Variants in ADGRV1 observed in about 807,000 individuals in gnomAD.
ADGRV1 encodes the protein G-protein coupled receptor 98.
ADGRV1 carries 359 observed loss-of-function variants against 596.2 expected under a neutral mutation model. The ratio of observed to expected loss-of-function variants is 0.60; its 90% CI spans 0.55 to 0.66. ADGRV1 has a LOEUF of 0.66. ADGRV1 is among the 30% of genes least tolerant of loss of function. The pLI, the probability that ADGRV1 is intolerant of heterozygous loss-of-function variation, is 0.00. For synonymous variants in ADGRV1, 2,681 were observed against 2,679.2 expected (o/e 1.00, Z -0.02); for missense variants, 7,274 against 7,575.6 (o/e 0.96, Z 1.48).
At chr5:90,997,436 A>G (rs1346513493) in intron 85 of ADGRV1, among the ~76,000 whole-genome samples, 1 of 152,010 alleles carries the variant, frequency 6.6e-6, no homozygotes, top group Non-Finnish European at 1.5e-5. Context: ...TTCTGCCATG[A>G]TTGTAAGTTT....
chr5:90,924,957 T>C (rs1327634315), intron 83 of ADGRV1, among the ~76,000 whole-genome samples: 1 of 151,116 alleles, frequency 6.6e-6, no homozygotes, highest in Non-Finnish European at 1.5e-5. Context: ...TGTGGCGTTA[T>C]TTCTGAGGGC....
chr5:90,631,693 T>C (rs1011334435), intron 9 of ADGRV1, among the ~76,000 whole-genome samples: 27 of 152,160 alleles, frequency 1.8e-4, no homozygotes, highest in African/African-American at 6.3e-4. Context: ...CTATTCACAA[T>C]TGTGTCTGGT....
intron 83 of ADGRV1, among the ~76,000 whole-genome samples, chr5:90,937,177 T>C (rs904378391): frequency 3.1e-4 from 47 of 152,304 alleles, no homozygotes; most frequent in African/African-American, 1.0e-3. Flanking sequence ...CTTAGTACTT[T>C]GTACTTTCAA....
chr5:90,811,000 G>T lies in ADGRV1; in HGVS notation c.15740G>T (p.Arg5247Ile), dbSNP rs751832113. The part of the protein sequence containing the change: ...TFNTAEVLIR[R>I]TGGFTGNVSI... ...AACACTGCAGAAGTTCTTATCCGAA[G>T]AACTGGTGGGTTTACTGGCAATGTC... The change falls in exon 74 of 90, where the codon AGA becomes ATA. Residue 5247 changes from arginine to isoleucine, a missense_variant. By Grantham distance (97) the Arg-to-Ile change is moderately conservative (BLOSUM62 -3). Around this residue, in one of 5 missense-constraint regions of ADGRV1, gnomAD observed 1,874 missense variants for 1,970.2 expected, o/e 0.95. Coordinates refer to ENST00000405460, the MANE Select transcript of ADGRV1 (RefSeq NM_032119.4). 1.9e-5 allele frequency: 31 copies of T among 1,613,904 alleles called. No individual in the cohort carries two copies. Among genetic ancestry groups the T allele is most frequent in the Non-Finnish European group, 2.5e-5 (30 of 1,179,902 alleles).
intron 83 of ADGRV1, among the ~76,000 whole-genome samples, chr5:90,874,194 GTTCTTTAAATATGCCCAGC>G (rs1332813876): frequency 3.3e-5 from 5 of 152,158 alleles, no homozygotes; most frequent in African/African-American, 1.2e-4. Flanking sequence ...AGTGGGCACA[GTTCTTTAAATATGCCCAGC>G]TTCTTCTTGT....
chr5:90,932,566 A>G lies in ADGRV1; in HGVS notation c.17857-32849A>G, dbSNP rs540087713. On this transcript the variant is annotated intron_variant, in intron 83 of 89. Transcript: ENST00000405460. ...TTACTAGAAAAACACAATGTGTTTGATATCAAGTGTTCACTAAAAGTTCTA... is the reference window on the plus strand; with the variant it reads ...TTACTAGAAAAACACAATGTGTTTGGTATCAAGTGTTCACTAAAAGTTCTA... 3.9e-5 allele frequency among the ~76,000 whole-genome samples: 6 copies of G among 152,344 alleles called. No individual in the cohort carries two copies. The South Asian group carries it at 1.2e-3, about 32-fold the overall frequency.
At chr5:90,710,270 A>G (rs1178636078) in intron 39 of ADGRV1, among the ~76,000 whole-genome samples, 2 of 152,194 alleles carry the variant, frequency 1.3e-5, no homozygotes, top group Non-Finnish European at 2.9e-5. Flanking sequence ...AAACCAAAAC[A>G]CTAATCAGGA....
intron 86 of ADGRV1, among the ~76,000 whole-genome samples, chr5:91,100,898 C>T (rs192661430): frequency 6.6e-6 from 1 of 152,292 alleles, no homozygotes. Context: ...TTTAAGGACA[C>T]TGCAAGAAAA....
chr5:90,832,912 A>C (rs1345159910), intron 77 of ADGRV1, among the ~76,000 whole-genome samples: 1 of 152,132 alleles, frequency 6.6e-6, no homozygotes, highest in African/African-American at 2.4e-5. Flanking sequence ...TCACTGTAGA[A>C]GTACGGATTT....
At chr5:90,606,619 C>G (rs1762135851) in intron 1 of ADGRV1, among the ~76,000 whole-genome samples, 1 of 152,168 alleles carries the variant, frequency 6.6e-6, no homozygotes, top group South Asian at 2.1e-4. Flanking sequence ...TAGAACTCAT[C>G]AATAAAATGG....
intron 86 of ADGRV1, among the ~76,000 whole-genome samples, chr5:91,082,754 TTAG>T (rs1482555233): frequency 6.6e-6 from 1 of 152,182 alleles, no homozygotes; most frequent in African/African-American, 2.4e-5. Context: ...ATGAGCCACT[TTAG>T]TTGGTATCAA....
intron 86 of ADGRV1, among the ~76,000 whole-genome samples, chr5:91,081,048 A>G (rs1294786442): frequency 6.6e-6 from 1 of 152,126 alleles, no homozygotes; most frequent in Non-Finnish European, 1.5e-5. Flanking sequence ...ACAGACATTT[A>G]TTTGTCACAG....
intron 16 of ADGRV1, 67 bp downstream of exon 16, chr5:90,646,158 G>A: frequency 4.5e-6 from 5 of 1,115,646 alleles, no homozygotes; most frequent in Non-Finnish European, 6.0e-6. Flanking sequence ...ATGTATATAT[G>A]CACGTGCATA....
At chr5:90,721,483 A>G (rs1750935558) in intron 45 of ADGRV1, among the ~76,000 whole-genome samples, 1 of 145,806 alleles carries the variant, frequency 6.9e-6, no homozygotes, top group African/African-American at 2.7e-5. Flanking sequence ...CAGCCTGGTC[A>G]ACAGAGCAAG....
At chr5:90,857,688 A>C (rs1767154799) in intron 82 of ADGRV1, among the ~76,000 whole-genome samples, 1 of 152,180 alleles carries the variant, frequency 6.6e-6, no homozygotes, top group Non-Finnish European at 1.5e-5. Flanking sequence ...AGGAGACACA[A>C]AGTCTTGTCT....
chr5:90,733,429 G>A (rs62373962), intron 50 of ADGRV1, among the ~76,000 whole-genome samples: 10,173 of 152,130 alleles, frequency 0.067, 461 homozygotes, highest in South Asian at 0.11. Context: ...TCCATGCGTG[G>A]GGATAGTCGA....
chr5:90,569,677 T>C (rs1756268913), intron 1 of ADGRV1, among the ~76,000 whole-genome samples: 1 of 151,668 alleles, frequency 6.6e-6, no homozygotes, highest in Non-Finnish European at 1.5e-5. Flanking sequence ...AGATATTTTC[T>C]AGTGTATCAT....
chr5:90,768,561 T>A (rs1757377449), intron 59 of ADGRV1, among the ~76,000 whole-genome samples: 1 of 152,218 alleles, frequency 6.6e-6, no homozygotes, highest in South Asian at 2.1e-4. Context: ...TATAATAGTT[T>A]CCTGGACTTT....
At chr5:91,082,053 T>A (rs1367900622) in intron 86 of ADGRV1, among the ~76,000 whole-genome samples, 2 of 152,188 alleles carry the variant, frequency 1.3e-5, no homozygotes, top group African/African-American at 4.8e-5. Flanking sequence ...AAGGTGTTAG[T>A]GGAAGATATG....
Sources: allele counts gnomAD v4.1 joint callset (sites outside exome capture counted in the v4.1 genomes callset), GRCh38; gene constraint gnomAD v4.1.1; regional missense constraint gnomAD v4.1.1; transcripts MANE v1.5; gene names NCBI Gene and HGNC (gene_info 2026-07-23, HGNC 2026-07-21).